Variants in GADL1 observed in about 807,000 individuals in gnomAD.
GADL1 encodes GAD like acidic amino acid decarboxylase 1.
In GADL1, 71 loss-of-function variants were observed where a neutral mutation model predicts 69.5. The ratio of observed to expected loss-of-function variants is 1.02; its 90% CI spans 0.84 to 1.25. GADL1 has a LOEUF of 1.25. Among genes scored for constraint, GADL1 ranks in the 50% most tolerant of loss-of-function variants. The pLI is 0.00. For synonymous variants in GADL1, 254 were observed against 214.4 expected (o/e 1.18, Z -1.62); for missense variants, 737 against 631.8 (o/e 1.17, Z -1.79).
chr3:30,754,023 G>C (rs1035585379), intron 14 of GADL1, among the ~76,000 whole-genome samples: 2 of 152,188 alleles, frequency 1.3e-5, no homozygotes, highest in Non-Finnish European at 2.9e-5. Context: ...AGGGCTACTT[G>C]CATTACCAAT....
chr3:30,734,323 A>G lies in GADL1; in HGVS notation c.1393-5908T>C, dbSNP rs116403307. ...GCTCAACAATATGTCTCATACAAAT[A>G]CTTCTTAAAACCTAATGAATATTCT... On this transcript the variant is annotated intron_variant, in intron 14 of 14. Coordinates refer to ENST00000282538, the MANE Select transcript of GADL1 (RefSeq NM_207359.3). 4.2e-3 allele frequency among the ~76,000 whole-genome samples: 639 copies of G among 152,320 alleles called. 4 individuals carry two copies. Among genetic ancestry groups the G allele is most frequent in the African/African-American group, 0.015 (618 of 41,572 alleles).
chr3:30,876,510 GGT>G lies in GADL1; in HGVS notation c.38-14747_38-14746del, dbSNP rs527544608. Among the ~76,000 whole-genome samples the G allele has an allele frequency of 2.9e-3, 445 of 152,124 alleles. 1 individual carries two copies. The highest frequency in any genetic ancestry group is 4.8e-3 in the Non-Finnish European group (327 of 67,936). On this transcript the variant is annotated intron_variant, in intron 1 of 14. Transcript: ENST00000282538. Reference sequence around the variant, plus strand: ...TAACACTTGTAATGAACAAGTATGAGGTGGTTTCAGCATGCCTCTGCATGGGG... The same window carrying G: ...TAACACTTGTAATGAACAAGTATGAGGGTTTCAGCATGCCTCTGCATGGGG...
At chr3:30,794,516 T>G (rs1696989404) in intron 12 of GADL1, among the ~76,000 whole-genome samples, 1 of 152,190 alleles carries the variant, frequency 6.6e-6, no homozygotes. Flanking sequence ...CTGAGCCCCC[T>G]GGGTTTCAAT....
chr3:30,810,621 C>T (rs9878921), intron 11 of GADL1, among the ~76,000 whole-genome samples: 24,248 of 152,026 alleles, frequency 0.16, 2,016 homozygotes, highest in Middle Eastern at 0.21. Flanking sequence ...CAAAGAGATC[C>T]TACAGCCCTG....
At chr3:30,816,550 T>G (rs1423321770) in intron 11 of GADL1, among the ~76,000 whole-genome samples, 1 of 84,642 alleles carries the variant, frequency 1.2e-5, no homozygotes, top group African/African-American at 4.3e-5. Flanking sequence ...TTTTTTTTTT[T>G]TTTTTTTTTT....
At chr3:30,868,077 A>G (rs903154313) in intron 1 of GADL1, among the ~76,000 whole-genome samples, 1 of 152,018 alleles carries the variant, frequency 6.6e-6, no homozygotes, top group African/African-American at 2.4e-5. Flanking sequence ...TCACTTTCAC[A>G]ATGGTCACAA....
At chr3:30,844,306 T>C (rs1698019268) in intron 7 of GADL1, 42 bp from the exon 8 acceptor site, 3 of 1,583,008 alleles carry the variant, frequency 1.9e-6, no homozygotes, top group Non-Finnish European at 2.6e-6. Context: ...TGTTTAGTAA[T>C]TAACAGATAA....
At chr3:30,831,855 A>G (rs927829819) in intron 11 of GADL1, among the ~76,000 whole-genome samples, 3 of 151,962 alleles carry the variant, frequency 2.0e-5, no homozygotes, top group African/African-American at 4.8e-5. Flanking sequence ...GATTTTTACA[A>G]TCAACAGAGT....
At chr3:30,737,251 G>T (rs1217135358) in intron 14 of GADL1, among the ~76,000 whole-genome samples, 1 of 152,106 alleles carries the variant, frequency 6.6e-6, no homozygotes, top group Non-Finnish European at 1.5e-5. Flanking sequence ...AGAGGCAAAG[G>T]TGAGGTTGGA....
intron 13 of GADL1, among the ~76,000 whole-genome samples, chr3:30,784,318 G>C (rs143437718): frequency 6.6e-6 from 1 of 151,978 alleles, no homozygotes; most frequent in Non-Finnish European, 1.5e-5. Flanking sequence ...ATGCCTCTTC[G>C]GTCTCTTTGA....
At chr3:30,758,371 C>T (rs768806011) in intron 14 of GADL1, among the ~76,000 whole-genome samples, 27 of 152,158 alleles carry the variant, frequency 1.8e-4, no homozygotes, top group Non-Finnish European at 2.8e-4. Flanking sequence ...CTCTTCCTTC[C>T]GTCAGATCTC....
intron 11 of GADL1, among the ~76,000 whole-genome samples, chr3:30,828,528 A>G (rs1294146914): frequency 6.6e-6 from 1 of 151,654 alleles, no homozygotes; most frequent in East Asian, 1.9e-4. Context: ...TCTAGAATGA[A>G]GATGAAAGGA....
intron 14 of GADL1, among the ~76,000 whole-genome samples, chr3:30,761,050 AGTATT>A (rs1234772920): frequency 2.6e-5 from 4 of 152,224 alleles, no homozygotes; most frequent in Non-Finnish European, 5.9e-5. Context: ...TTTTGCAACT[AGTATT>A]GTATATTTTG....
chr3:30,806,589 T>TGGG (rs1195617264), intron 11 of GADL1, among the ~76,000 whole-genome samples: 4 of 152,090 alleles, frequency 2.6e-5, no homozygotes, highest in Admixed American at 2.6e-4. Flanking sequence ...GCATTTCAGA[T>TGGG]GGGAATAGGA....
intron 14 of GADL1, among the ~76,000 whole-genome samples, chr3:30,747,481 C>G (rs1462669674): frequency 1.3e-5 from 2 of 152,170 alleles, no homozygotes; most frequent in African/African-American, 4.8e-5. Flanking sequence ...ACAAACTTAG[C>G]AATTTTGGTA....
intron 14 of GADL1, among the ~76,000 whole-genome samples, chr3:30,772,237 C>T (rs1053126384): frequency 2.6e-5 from 4 of 152,176 alleles, no homozygotes; most frequent in African/African-American, 9.7e-5. Flanking sequence ...AAATGACTAA[C>T]ATTAGTCACA....
At chr3:30,893,931 AC>A (rs1318314631) in intron 1 of GADL1, among the ~76,000 whole-genome samples, 2 of 152,232 alleles carry the variant, frequency 1.3e-5, no homozygotes, top group Non-Finnish European at 2.9e-5. Flanking sequence ...TAAAACGCCA[AC>A]AACTAGTTAG....
intron 13 of GADL1, among the ~76,000 whole-genome samples, chr3:30,782,837 A>AT (rs1399533625): frequency 6.6e-6 from 1 of 152,222 alleles, no homozygotes; most frequent in African/African-American, 2.4e-5. Context: ...AGATGGAGTG[A>AT]TGAATGGGTA....
At chr3:30,729,940 A>T (rs1203356387) in intron 14 of GADL1, among the ~76,000 whole-genome samples, 3 of 152,236 alleles carry the variant, frequency 2.0e-5, no homozygotes, top group Non-Finnish European at 1.5e-5. Flanking sequence ...CAAGATATGA[A>T]AAGAAAATAT....
Sources: gnomAD v4.1 joint callset for allele counts (sites outside exome capture counted in the v4.1 genomes callset) on GRCh38, gnomAD v4.1.1 for gene constraint, MANE v1.5 for transcripts, NCBI Gene and HGNC (gene_info 2026-07-23, HGNC 2026-07-21) for gene names.